The following GOLM2 variants were observed in gnomAD, a reference collection of about 807,000 sequenced individuals.
GOLM2 encodes the protein golgi membrane protein 2.
Under a neutral mutation model 55.9 loss-of-function variants are expected in GOLM2, and 26 were observed. That is an observed-to-expected ratio of 0.47 (90% CI 0.34 to 0.65). The LOEUF (loss-of-function observed/expected upper bound fraction) is 0.65. GOLM2 is among the 30% of genes least tolerant of loss of function. The pLI is 0.01. For synonymous variants in GOLM2, 165 were observed against 194.6 expected, an observed-to-expected ratio of 0.85 and a Z score of 1.27; for missense variants, 486 against 531.8, an observed-to-expected ratio of 0.91 and a Z score of 0.85.
chr15:44,317,794 C>T (rs1330060650), intron 1 of GOLM2, among the ~76,000 whole-genome samples: 1 of 152,084 alleles, frequency 6.6e-6, no homozygotes, highest in African/African-American at 2.4e-5. Flanking sequence ...TCTCCCTGAC[C>T]CCAAGTCTGT....
At chr15:44,395,779 G>A (rs1230972192) in intron 8 of GOLM2, among the ~76,000 whole-genome samples, 1 of 152,012 alleles carries the variant, frequency 6.6e-6, no homozygotes, top group Non-Finnish European at 1.5e-5. Context: ...GGCAGAAGTT[G>A]CAGTGAGCTG....
At chr15:44,352,367 A>T (rs2079170263) in intron 6 of GOLM2, among the ~76,000 whole-genome samples, 2 of 152,188 alleles carry the variant, frequency 1.3e-5, no homozygotes, top group Admixed American at 1.3e-4. Flanking sequence ...GAATATCCAT[A>T]CACAGAAGAT....
intron 1 of GOLM2, chr15:44,308,198 T>C (rs1194612553): frequency 6.6e-6 from 1 of 152,180 alleles, no homozygotes; most frequent in Admixed American, 6.5e-5. Flanking sequence ...ACAAAACCTC[T>C]ACCCATTAAG....
At chr15:44,319,248 C>T (rs1369778896) in intron 1 of GOLM2, among the ~76,000 whole-genome samples, 1 of 152,120 alleles carries the variant, frequency 6.6e-6, no homozygotes, top group Non-Finnish European at 1.5e-5. Context: ...GGGTCTTGCT[C>T]CGTTGCCCAG....
At chr15:44,344,808 C>T (rs2079112976) in intron 6 of GOLM2, among the ~76,000 whole-genome samples, 1 of 146,446 alleles carries the variant, frequency 6.8e-6, no homozygotes, top group South Asian at 2.1e-4. Context: ...GTCGGAGTCT[C>T]GTTCTGTCGC....
chr15:44,370,615 A>G (rs1184373116), intron 6 of GOLM2, among the ~76,000 whole-genome samples: 1 of 152,108 alleles, frequency 6.6e-6, no homozygotes, highest in Non-Finnish European at 1.5e-5. Context: ...TCATCTGAAT[A>G]CCGAAGATGG....
At chr15:44,310,751 G>C (rs1180826791) in intron 1 of GOLM2, among the ~76,000 whole-genome samples, 1 of 151,076 alleles carries the variant, frequency 6.6e-6, no homozygotes, top group Non-Finnish European at 1.5e-5. Context: ...AGGCACAGTG[G>C]CTCACGCCTG....
chr15:44,386,564 G>A (rs1231071347), intron 8 of GOLM2, among the ~76,000 whole-genome samples: 1 of 151,976 alleles, frequency 6.6e-6, no homozygotes, highest in African/African-American at 2.4e-5. Context: ...TACTAAAAAG[G>A]CAGCGATATT....
chr15:44,315,931 G>A (rs1185932502), intron 1 of GOLM2, among the ~76,000 whole-genome samples: 2 of 152,204 alleles, frequency 1.3e-5, no homozygotes, highest in African/African-American at 4.8e-5. Flanking sequence ...CTTAAGGTAG[G>A]AGAGTGTGTA....
At chr15:44,386,228 G>A (rs368136767) in intron 8 of GOLM2, among the ~76,000 whole-genome samples, 2 of 152,086 alleles carry the variant, frequency 1.3e-5, no homozygotes, top group East Asian at 3.9e-4. Flanking sequence ...TTGAGGTAAG[G>A]TCTAACATAA....
chr15:44,370,178 A>G (rs1453479613), intron 6 of GOLM2, among the ~76,000 whole-genome samples: 1 of 152,134 alleles, frequency 6.6e-6, no homozygotes, highest in Admixed American at 6.6e-5. Flanking sequence ...TCAAATGTTA[A>G]TCTCCTTTGG....
At chr15:44,296,235 T>G (rs971064463) in intron 1 of GOLM2, among the ~76,000 whole-genome samples, 8 of 152,150 alleles carry the variant, frequency 5.3e-5, no homozygotes, top group Non-Finnish European at 8.8e-5. Context: ...CTTGGATTCT[T>G]GCAAACTGTA....
At chr15:44,320,845 T>C (rs2078943791) in intron 1 of GOLM2, among the ~76,000 whole-genome samples, 1 of 152,238 alleles carries the variant, frequency 6.6e-6, no homozygotes, top group Admixed American at 6.5e-5. Context: ...ACTCTTCTTT[T>C]CATGTGCTCC....
chr15:44,318,284 C>A (rs140386821), intron 1 of GOLM2, among the ~76,000 whole-genome samples: 27 of 152,306 alleles, frequency 1.8e-4, no homozygotes, highest in African/African-American at 6.5e-4. Flanking sequence ...GCTCACAGGC[C>A]ATAGTTTGCC....
intron 9 of GOLM2, among the ~76,000 whole-genome samples, chr15:44,408,832 C>CGGGAGCCTGTAGTCCCAGCTACTG (rs1211403594): frequency 6.6e-6 from 1 of 152,066 alleles, no homozygotes; most frequent in Non-Finnish European, 1.5e-5. Flanking sequence ...GGAGTGGCGG[C>CGGGAGCCTGTAGTCCCAGCTACTG]GGGAGCCTGT....
At chr15:44,326,892 T>C (rs2078985572) in intron 2 of GOLM2, among the ~76,000 whole-genome samples, 1 of 151,510 alleles carries the variant, frequency 6.6e-6, no homozygotes, top group African/African-American at 2.4e-5. Context: ...CCTCATGTGA[T>C]CCACCCTTCT....
rs893750892 is a variant in GOLM2, at chr15:44,400,865, A to G, written c.1073-2022A>G. Among the ~76,000 whole-genome samples the G allele has an allele frequency of 6.6e-5, 10 of 151,756 alleles. No individual in the cohort carries two copies. The East Asian group carries it at 1.4e-3, about 21-fold the overall frequency. ...GCTGGGATTACGGGCGTGAGCCACC[A>G]CGCCTGGCCACACCCGCCCTTCTTT... On this transcript the variant is annotated intron_variant, in intron 8 of 9. Coordinates refer to ENST00000299957, the MANE Select transcript of GOLM2 (RefSeq NM_138423.4).
At chr15:44,395,241 C>T (rs2079517459) in intron 8 of GOLM2, among the ~76,000 whole-genome samples, 1 of 150,838 alleles carries the variant, frequency 6.6e-6, no homozygotes, top group South Asian at 2.1e-4. Context: ...ATTTCCTGAC[C>T]TCGTGATCCG....
At chr15:44,371,272 C>A (rs954158128) in intron 6 of GOLM2, among the ~76,000 whole-genome samples, 46 of 152,300 alleles carry the variant, frequency 3.0e-4, no homozygotes, top group African/African-American at 1.1e-3. Context: ...ACAGTGCTTA[C>A]AAACAGCTGC....
Sources: gnomAD v4.1 joint callset for allele counts (sites outside exome capture counted in the v4.1 genomes callset) on GRCh38, gnomAD v4.1.1 for gene constraint, MANE v1.5 for transcripts, NCBI Gene and HGNC (gene_info 2026-07-23, HGNC 2026-07-21) for gene names.